HNRNPLL: variants seen among roughly 807,000 people sequenced by gnomAD.
HNRNPLL encodes heterogeneous nuclear ribonucleoprotein L-like.
A neutral mutation model predicts 67.1 loss-of-function variants in HNRNPLL; 25 were observed. That is an observed-to-expected ratio of 0.37 (90% confidence interval 0.27 to 0.52). The LOEUF (loss-of-function observed/expected upper bound fraction) is 0.52. Ranked by LOEUF, HNRNPLL falls within the 20% of genes least tolerant of loss-of-function variation. The pLI is 0.90. For missense variants in HNRNPLL, 542 were observed against 673.9 expected, an observed-to-expected ratio of 0.80 and a Z score of 2.17; for synonymous variants, 267 against 241.7, an observed-to-expected ratio of 1.10 and a Z score of -0.97.
intron 1 of HNRNPLL, chr2:38,602,163 CCGCCGCCGCCG>C (rs970977309): frequency 5.2e-5 from 21 of 402,782 alleles, no homozygotes; most frequent in Non-Finnish European, 9.3e-5. Context: ...CGACGCCTCC[CCGCCGCCGCCG>C]CCGCGCCGCG....
At chr2:38,601,541 T>G (rs1190743198) in intron 1 of HNRNPLL, 1 of 152,212 alleles carries the variant, frequency 6.6e-6, no homozygotes, top group Non-Finnish European at 1.5e-5. Context: ...TCCGCTTTGT[T>G]TCCTTAAAGT....
At position 38,598,558 on chromosome 2, in the gene HNRNPLL, A is replaced by T. The variant is rs192153907; in HGVS notation, c.189+3880T>A. ...ATGGAGGCAAAAAAAGCAATATATGATGTAGAACCAGATTTTTAGATATGT... is the reference window on the plus strand; with the variant it reads ...ATGGAGGCAAAAAAAGCAATATATGTTGTAGAACCAGATTTTTAGATATGT... On this transcript the variant is annotated intron_variant, in intron 1 of 12. Coordinates refer to ENST00000449105, the MANE Select transcript of HNRNPLL (RefSeq NM_138394.4). 6.5e-3 allele frequency among the ~76,000 whole-genome samples: 992 copies of T among 152,340 alleles called. 10 individuals are homozygous for T. Among genetic ancestry groups the T allele is most frequent in the African/African-American group, 0.021 (875 of 41,568 alleles).
In HNRNPLL at chr2:38,562,077, T is replaced by C. The variant is rs1415990148; in HGVS notation, c.*2105A>G. ...AAACTCAAAGCTAGTATTATTTCTT[T>C]ACAGTTCTTAAATCTGCTTTTTCTA... On this transcript the variant is annotated 3_prime_UTR_variant, in exon 13 of 13. Transcript: ENST00000449105. 6.6e-6 allele frequency: 1 copy of C among 152,210 alleles called. No homozygotes were observed. Among genetic ancestry groups the C allele is most frequent in the African/African-American group, 2.4e-5 (1 of 41,464 alleles). 9.4% of individuals were successfully genotyped at this position (152,210 alleles called of 1,614,324 possible). A position where few individuals can be genotyped will look rare whatever the true frequency, so the allele number is the denominator to read the frequency against.
At chr2:38,586,442 A>G (rs1666734629) in intron 2 of HNRNPLL, among the ~76,000 whole-genome samples, 1 of 152,218 alleles carries the variant, frequency 6.6e-6, no homozygotes, top group African/African-American at 2.4e-5. Flanking sequence ...AGTTACTAAC[A>G]AGACAACCCA....
At chr2:38,571,475 A>T (rs1426227934) in intron 8 of HNRNPLL, among the ~76,000 whole-genome samples, 1 of 152,174 alleles carries the variant, frequency 6.6e-6, no homozygotes, top group Non-Finnish European at 1.5e-5. Context: ...GTATTTACAC[A>T]ACAAATGCAA....
intron 6 of HNRNPLL, among the ~76,000 whole-genome samples, chr2:38,580,829 GAACA>G (rs1189428307): frequency 6.6e-6 from 1 of 152,100 alleles, no homozygotes; most frequent in Non-Finnish European, 1.5e-5. Context: ...ATTCTATCTT[GAACA>G]GACATGTTAC....
At chr2:38,573,141 T>C in intron 8 of HNRNPLL, 69 bp downstream of exon 8, 1 of 1,000,626 alleles carries the variant, frequency 1.0e-6, no homozygotes, top group African/African-American at 1.6e-5. Flanking sequence ...AGAAGACACA[T>C]ATTTGCAGCC....
chr2:38,569,251 C>G lies in HNRNPLL; in HGVS notation c.1298G>C (p.Ser433Thr), dbSNP rs1665980260. 1 of 1,613,170 alleles carries G rather than the reference C, an allele frequency of 6.2e-7. No homozygotes were observed. Among genetic ancestry groups the G allele is most frequent in the African/African-American group, 1.3e-5 (1 of 74,874 alleles). ...GTSSYKDFAM[S>T]KNNRFTSAGQ... Reference sequence around the variant, plus strand: ...AGCACTTGTAAAGCGATTATTTTTGCTCATTGCAAAATCTTTGTAGCTGCT... The same window carrying G: ...AGCACTTGTAAAGCGATTATTTTTGGTCATTGCAAAATCTTTGTAGCTGCT... Residue 433 changes from serine to threonine, a missense_variant, in exon 10 of 13, where the codon AGC (serine) becomes ACC (threonine). Ser to Thr is a moderately conservative substitution (Grantham distance 58). Coordinates refer to ENST00000449105, the MANE Select transcript of HNRNPLL (RefSeq NM_138394.4).
At chr2:38,582,601 C>T (rs1371890148) in intron 4 of HNRNPLL, among the ~76,000 whole-genome samples, 1 of 152,086 alleles carries the variant, frequency 6.6e-6, no homozygotes, top group Non-Finnish European at 1.5e-5. Context: ...TGAGTCACTG[C>T]GCCTGGCCAG....
intron 6 of HNRNPLL, among the ~76,000 whole-genome samples, chr2:38,579,407 A>G (rs535609618): frequency 5.3e-5 from 8 of 151,842 alleles, no homozygotes; most frequent in African/African-American, 1.7e-4. Flanking sequence ...CTTAAAGTAT[A>G]ATAATAATAA....
intron 1 of HNRNPLL, 76 bp downstream of exon 1, chr2:38,602,362 C>A (rs1667477230): frequency 2.9e-6 from 4 of 1,388,434 alleles, no homozygotes; most frequent in East Asian, 5.0e-5. Flanking sequence ...CTGAAGCAAG[C>A]GGGAGGCCCC....
At chr2:38,592,618 G>A (rs532258065) in intron 1 of HNRNPLL, among the ~76,000 whole-genome samples, 94 of 152,326 alleles carry the variant, frequency 6.2e-4, no homozygotes, top group African/African-American at 1.8e-3. Context: ...GTTTCAAAAT[G>A]TAAGAATATG....
At position 38,569,163 on chromosome 2, in the gene HNRNPLL, T is replaced by C. The variant is rs1204277701; in HGVS notation, c.1386A>G (p.Pro462=). The C allele has an allele frequency of 1.2e-6, 2 of 1,612,008 alleles. No individual in the cohort carries two copies. The highest frequency in any genetic ancestry group is 2.7e-5 in the African/African-American group (2 of 74,856). ...PSCVLHYYNV[P]LCVTEETFTK... ...TGAAGGTCTCTTCTGTGACACACAA[T>C]GGAACATTATAATAATGCAAAACAC... The change falls in exon 10 of 13, where the codon CCA becomes CCG. Residue 462 remains proline, a synonymous_variant. Transcript: ENST00000449105.
At chr2:38,587,125 T>C (rs749696025) in intron 2 of HNRNPLL, among the ~76,000 whole-genome samples, 2 of 152,176 alleles carry the variant, frequency 1.3e-5, no homozygotes, top group African/African-American at 4.8e-5. Flanking sequence ...GACATCACTG[T>C]TTCTCAATCA....
intron 1 of HNRNPLL, among the ~76,000 whole-genome samples, chr2:38,593,862 CA>C (rs11449195): frequency 1.4e-5 from 2 of 141,680 alleles, no homozygotes; most frequent in East Asian, 2.2e-4. Flanking sequence ...GACTCCGTCT[CA>C]AAAAAAAAAC....
intron 12 of HNRNPLL, among the ~76,000 whole-genome samples, chr2:38,564,926 C>T (rs924685837): frequency 3.3e-5 from 5 of 151,024 alleles, no homozygotes; most frequent in Non-Finnish European, 7.4e-5. Context: ...ATCTATGATC[C>T]CAAAAGGTTC....
intron 8 of HNRNPLL, among the ~76,000 whole-genome samples, chr2:38,570,283 A>G (rs1666022414): frequency 6.6e-6 from 1 of 152,240 alleles, no homozygotes; most frequent in Admixed American, 6.5e-5. Flanking sequence ...ACAAATATTT[A>G]TTAAGTGTCT....
chr2:38,601,224 CT>C (rs1395512306), intron 1 of HNRNPLL, among the ~76,000 whole-genome samples: 3 of 152,102 alleles, frequency 2.0e-5, no homozygotes, highest in Non-Finnish European at 4.4e-5. Flanking sequence ...GAAAAAGTTC[CT>C]TTTTTAAATG....
At chr2:38,599,338 C>T (rs1272551091) in intron 1 of HNRNPLL, among the ~76,000 whole-genome samples, 1 of 152,176 alleles carries the variant, frequency 6.6e-6, no homozygotes, top group African/African-American at 2.4e-5. Flanking sequence ...ATTAGCACTC[C>T]ATCCCAATTC....
Sources: allele counts gnomAD v4.1 joint callset (sites outside exome capture counted in the v4.1 genomes callset), GRCh38; gene constraint gnomAD v4.1.1; transcripts MANE v1.5; gene names NCBI Gene and HGNC (gene_info 2026-07-23, HGNC 2026-07-21).